The following KCNH5 variants were observed in gnomAD, a reference collection of about 807,000 sequenced individuals.
The protein encoded by KCNH5 is voltage-gated delayed rectifier potassium channel KCNH5.
A neutral mutation model predicts 96.1 loss-of-function variants in KCNH5; 46 were observed. That is an observed-to-expected ratio of 0.48 (90% CI 0.38 to 0.61). KCNH5 has a LOEUF of 0.61. Among genes scored for constraint, KCNH5 ranks in the 20% least tolerant of loss-of-function variants. KCNH5 has a pLI of 0.00. For missense variants in KCNH5, 907 were observed against 1,225.8 expected, an observed-to-expected ratio of 0.74 and a Z score of 3.88; for synonymous variants, 439 against 449.8, an observed-to-expected ratio of 0.98 and a Z score of 0.30.
At chr14:62,747,671 G>A (rs988167770) in intron 10 of KCNH5, among the ~76,000 whole-genome samples, 2 of 152,144 alleles carry the variant, frequency 1.3e-5, no homozygotes, top group African/African-American at 4.8e-5. Context: ...AAGTCTGTTC[G>A]TTAACCTAAA....
chr14:62,841,241 A>G (rs1427645296), intron 8 of KCNH5, among the ~76,000 whole-genome samples: 3 of 152,222 alleles, frequency 2.0e-5, no homozygotes, highest in Non-Finnish European at 4.4e-5. Context: ...CTGTTTCTTA[A>G]AAGTTTAGTT....
chr14:62,962,386 C>T (rs1890230450), intron 6 of KCNH5, among the ~76,000 whole-genome samples: 1 of 152,102 alleles, frequency 6.6e-6, no homozygotes. Context: ...TAGCGTTCAT[C>T]AAAACTGCAA....
intron 10 of KCNH5, among the ~76,000 whole-genome samples, chr14:62,766,743 A>G (rs1259922321): frequency 6.6e-6 from 1 of 152,098 alleles, no homozygotes. Context: ...AAAAAAGTAG[A>G]AAGAAATAAG....
In KCNH5 at chr14:62,700,991, G is replaced by A. The variant is rs982460386; in HGVS notation, c.*6517C>T. On this transcript the variant is annotated 3_prime_UTR_variant, in exon 11 of 11. Coordinates refer to ENST00000322893, the MANE Select transcript of KCNH5 (RefSeq NM_139318.5). ...AATGGGGATAAAATTACTTAAATTA[G>A]TTATTATGGATACTCAATCTGGTTT... is the stretch of plus-strand genomic sequence containing the variant. 6.6e-6 allele frequency: 1 copy of A among 152,134 alleles called. No homozygotes were observed. The highest frequency in any genetic ancestry group is 2.4e-5 in the African/African-American group (1 of 41,444). 9.4% of individuals were successfully genotyped at this position (152,134 alleles called of 1,614,324 possible).
At chr14:62,899,725 T>C (rs996657617) in intron 7 of KCNH5, among the ~76,000 whole-genome samples, 4 of 150,384 alleles carry the variant, frequency 2.7e-5, no homozygotes, top group South Asian at 2.1e-4. Flanking sequence ...TCCCAGCTAC[T>C]TGGGAGGCTG....
At chr14:62,937,114 T>C (rs1889699785) in intron 7 of KCNH5, among the ~76,000 whole-genome samples, 1 of 152,014 alleles carries the variant, frequency 6.6e-6, no homozygotes, top group African/African-American at 2.4e-5. Flanking sequence ...GCTAGAATCG[T>C]ATATGTGACT....
chr14:62,714,518 G>A (rs1403111182), intron 10 of KCNH5, among the ~76,000 whole-genome samples: 1 of 152,058 alleles, frequency 6.6e-6, no homozygotes, highest in Non-Finnish European at 1.5e-5. Context: ...ATGGGCAACT[G>A]GCAAATTGTA....
chr14:62,954,749 T>C (rs1292105047), intron 6 of KCNH5, among the ~76,000 whole-genome samples: 2 of 152,118 alleles, frequency 1.3e-5, no homozygotes, highest in Non-Finnish European at 2.9e-5. Context: ...AGAGGTTTAA[T>C]GGACTCACAG....
At chr14:62,934,177 G>C (rs989882215) in intron 7 of KCNH5, among the ~76,000 whole-genome samples, 1 of 149,914 alleles carries the variant, frequency 6.7e-6, no homozygotes, top group African/African-American at 2.5e-5. Flanking sequence ...TGTCACCCAG[G>C]CTGGAGTGCA....
chr14:63,019,413 C>A (rs1192794666), intron 1 of KCNH5, among the ~76,000 whole-genome samples: 3 of 151,914 alleles, frequency 2.0e-5, no homozygotes, highest in Non-Finnish European at 4.4e-5. Context: ...GAACAAAGTT[C>A]TACTATAGTA....
intron 1 of KCNH5, among the ~76,000 whole-genome samples, chr14:63,022,330 C>T (rs1891443751): frequency 6.6e-6 from 1 of 152,126 alleles, no homozygotes; most frequent in South Asian, 2.1e-4. Context: ...TGATCATCAC[C>T]CAACTCCAGC....
intron 10 of KCNH5, among the ~76,000 whole-genome samples, chr14:62,760,381 G>T (rs544667902): frequency 2.0e-5 from 3 of 152,208 alleles, no homozygotes; most frequent in Non-Finnish European, 4.4e-5. Flanking sequence ...AAAAAAGGAA[G>T]CAAATTCCTG....
chr14:62,823,113 C>T (rs1270616185), intron 8 of KCNH5, among the ~76,000 whole-genome samples: 5 of 152,022 alleles, frequency 3.3e-5, no homozygotes, highest in African/African-American at 7.2e-5. Flanking sequence ...TCCTGAAACA[C>T]CCTCAAATTG....
At chr14:62,918,178 A>C (rs1423354449) in intron 7 of KCNH5, among the ~76,000 whole-genome samples, 1 of 152,184 alleles carries the variant, frequency 6.6e-6, no homozygotes, top group Non-Finnish European at 1.5e-5. Context: ...TAATTGAATT[A>C]AATAAGAAAG....
At chr14:62,744,567 A>C (rs948603529) in intron 10 of KCNH5, among the ~76,000 whole-genome samples, 1 of 152,190 alleles carries the variant, frequency 6.6e-6, no homozygotes, top group Admixed American at 6.5e-5. Context: ...AACATTGAGC[A>C]CCTATTATGA....
chr14:62,919,335 T>C (rs919503406), intron 7 of KCNH5, among the ~76,000 whole-genome samples: 1 of 152,172 alleles, frequency 6.6e-6, no homozygotes, highest in African/African-American at 2.4e-5. Flanking sequence ...AATATACTAC[T>C]TCCCTAGAGA....
At chr14:62,771,502 G>A (rs1885986617) in intron 10 of KCNH5, among the ~76,000 whole-genome samples, 1 of 152,108 alleles carries the variant, frequency 6.6e-6, no homozygotes, top group South Asian at 2.1e-4. Flanking sequence ...GCAGGCGCCT[G>A]TAGTCCCAGC....
intron 9 of KCNH5, among the ~76,000 whole-genome samples, chr14:62,781,037 G>A (rs1019038176): frequency 9.9e-5 from 15 of 151,990 alleles, no homozygotes; most frequent in African/African-American, 3.6e-4. Context: ...CCTTTATCGG[G>A]GAATCTGCCC....
rs534973883 is a variant in KCNH5 at position 62,824,495 on chromosome 14, C to T, written c.1570-21914G>A. On this transcript the variant is annotated intron_variant, in intron 8 of 10. Coordinates refer to ENST00000322893, the MANE Select transcript of KCNH5 (RefSeq NM_139318.5). ...TAGAATACTTCAGTACTTCAAAAAA[C>T]GCTTTTTTTTTACTTTAGCAATAAA... Among the ~76,000 whole-genome samples, 14 of 152,078 alleles carry T rather than the reference C, an allele frequency of 9.2e-5. No homozygotes were observed. In the East Asian group the frequency reaches 1.2e-3, roughly 13 times the overall value.
Sources: allele counts gnomAD v4.1 joint callset (sites outside exome capture counted in the v4.1 genomes callset), GRCh38; gene constraint gnomAD v4.1.1; transcripts MANE v1.5; gene names NCBI Gene and HGNC (gene_info 2026-07-23, HGNC 2026-07-21).